Variants in TPST1 observed in about 807,000 individuals in gnomAD.
TPST1 encodes the protein tyrosylprotein sulfotransferase 1.
Under a neutral mutation model 34.8 loss-of-function variants are expected in TPST1, and 20 were observed. That is an observed-to-expected ratio of 0.57 (90% confidence interval 0.40 to 0.84). TPST1 has a LOEUF of 0.84. Among genes scored for constraint, TPST1 ranks in the 40% least tolerant of loss-of-function variants. The pLI, the probability that TPST1 is intolerant of heterozygous loss-of-function variation, is 0.00. For synonymous variants in TPST1, 152 were observed against 159.4 expected, an observed-to-expected ratio of 0.95 and a Z score of 0.35; for missense variants, 353 against 455.5, an observed-to-expected ratio of 0.78 and a Z score of 2.05.
chr7:66,325,394 GC>G lies in TPST1; in HGVS notation c.1045-27109del, dbSNP rs1185679135. On this transcript the variant is annotated intron_variant, in intron 3 of 5. Transcript: ENST00000304842. ...CATTTTTCTTTTCTTTTTTTTTCAT[GC>G]CTGGATTTTTTCGTTGTTCCCTCAT... Among the ~76,000 whole-genome samples, 16 of 151,770 alleles carry G rather than the reference GC, an allele frequency of 1.1e-4. No individual in the cohort carries two copies. In the East Asian group the frequency reaches 3.1e-3, roughly 29 times the overall value.
intron 2 of TPST1, among the ~76,000 whole-genome samples, chr7:66,258,288 A>T: frequency 6.6e-6 from 1 of 152,152 alleles, no homozygotes; most frequent in East Asian, 1.9e-4. Context: ...CCTTGGAAGA[A>T]TGCTGATTTT....
At chr7:66,301,465 G>A (rs1791314336) in intron 3 of TPST1, among the ~76,000 whole-genome samples, 1 of 152,194 alleles carries the variant, frequency 6.6e-6, no homozygotes, top group Non-Finnish European at 1.5e-5. Flanking sequence ...ACTATTTGAT[G>A]GAAGAGGCCT....
chr7:66,347,885 G>T (rs1045893989), intron 3 of TPST1, among the ~76,000 whole-genome samples: 3 of 151,928 alleles, frequency 2.0e-5, no homozygotes, highest in Non-Finnish European at 2.9e-5. Context: ...GAGTCTTTTG[G>T]TTTTTCCAAA....
At chr7:66,243,972 G>A (rs868627930) in intron 2 of TPST1, among the ~76,000 whole-genome samples, 32 of 138,630 alleles carry the variant, frequency 2.3e-4, no homozygotes, top group Admixed American at 8.3e-4. Flanking sequence ...TCTTCGAGAC[G>A]GAGTCTTGCT....
upstream of TPST1, among the ~76,000 whole-genome samples, chr7:66,203,728 G>A (rs757910989): frequency 2.7e-5 from 4 of 150,386 alleles, no homozygotes; most frequent in Non-Finnish European, 4.4e-5. Context: ...CTTGTGATCC[G>A]CCCACCTCGG....
chr7:66,208,266 A>G (rs955619209), intron 1 of TPST1, among the ~76,000 whole-genome samples: 2 of 152,108 alleles, frequency 1.3e-5, no homozygotes, highest in Non-Finnish European at 2.9e-5. Flanking sequence ...ACCATTCACT[A>G]CCGTAAAATC....
chr7:66,322,926 TTTA>T, intron 3 of TPST1, among the ~76,000 whole-genome samples: 1 of 152,200 alleles, frequency 6.6e-6, no homozygotes, highest in Non-Finnish European at 1.5e-5. Context: ...TTTTTATTTT[TTTA>T]TTTTTTATTT....
chr7:66,296,680 T>TTTTTG (rs1791207143), intron 3 of TPST1, among the ~76,000 whole-genome samples: 1 of 146,778 alleles, frequency 6.8e-6, no homozygotes, highest in Admixed American at 6.8e-5. Context: ...GGGTTGGTTT[T>TTTTTG]TTTTTTTTTT....
At chr7:66,221,364 G>T (rs1789539339) in intron 1 of TPST1, among the ~76,000 whole-genome samples, 1 of 152,156 alleles carries the variant, frequency 6.6e-6, no homozygotes, top group Non-Finnish European at 1.5e-5. Context: ...TCATGGAGAG[G>T]TTAAGGGAGA....
chr7:66,312,267 C>T (rs1205380134), intron 3 of TPST1, among the ~76,000 whole-genome samples: 1 of 152,182 alleles, frequency 6.6e-6, no homozygotes, highest in Non-Finnish European at 1.5e-5. Context: ...AGAACATTTG[C>T]AGTGAAGAGG....
At chr7:66,352,599 C>T (rs774434156) in intron 4 of TPST1, 44 bp downstream of exon 4, 3 of 1,592,094 alleles carry the variant, frequency 1.9e-6, no homozygotes, top group East Asian at 4.5e-5. Context: ...TAGATTGGCT[C>T]TTGCATTGAA....
At chr7:66,310,001 T>C (rs1160537669) in intron 3 of TPST1, among the ~76,000 whole-genome samples, 2 of 152,038 alleles carry the variant, frequency 1.3e-5, no homozygotes, top group African/African-American at 4.8e-5. Flanking sequence ...CCAAACAAGT[T>C]ATGGTGGCAA....
chr7:66,264,973 C>A (rs1226509347), intron 2 of TPST1, among the ~76,000 whole-genome samples: 2 of 151,914 alleles, frequency 1.3e-5, no homozygotes, highest in Non-Finnish European at 2.9e-5. Flanking sequence ...TTGAGAATAT[C>A]AACAAAAAGA....
chr7:66,213,405 A>G (rs1028261494), intron 1 of TPST1, among the ~76,000 whole-genome samples: 3 of 151,834 alleles, frequency 2.0e-5, no homozygotes, highest in Admixed American at 6.6e-5. Flanking sequence ...TGTCTATTCT[A>G]CTTCTTTGGT....
intron 3 of TPST1, among the ~76,000 whole-genome samples, chr7:66,347,112 G>T: frequency 8.8e-6 from 1 of 113,394 alleles, no homozygotes. Context: ...CTGTCTCCCA[G>T]GCTGGAGTAC....
intron 3 of TPST1, among the ~76,000 whole-genome samples, chr7:66,296,535 AG>A (rs1321584517): frequency 2.0e-5 from 3 of 152,080 alleles, no homozygotes; most frequent in Non-Finnish European, 4.4e-5. Context: ...GTTGACCGTT[AG>A]CTATGATATG....
intron 5 of TPST1, among the ~76,000 whole-genome samples, chr7:66,358,433 AGAT>A (rs1449050538): frequency 6.6e-6 from 1 of 151,744 alleles, no homozygotes; most frequent in African/African-American, 2.4e-5. Flanking sequence ...CATATATATA[AGAT>A]GATATATATA....
At chr7:66,207,860 A>G (rs572101896) in intron 1 of TPST1, among the ~76,000 whole-genome samples, 1 of 152,238 alleles carries the variant, frequency 6.6e-6, no homozygotes, top group Non-Finnish European at 1.5e-5. Context: ...CTATTTTAAG[A>G]TCTTTACTCT....
chr7:66,236,761 A>G (rs1789920407), intron 1 of TPST1, among the ~76,000 whole-genome samples: 1 of 152,206 alleles, frequency 6.6e-6, no homozygotes, highest in Non-Finnish European at 1.5e-5. Flanking sequence ...CACATACTAT[A>G]TATAAATTAC....
Sources: gnomAD v4.1 joint callset for allele counts (sites outside exome capture counted in the v4.1 genomes callset) on GRCh38, gnomAD v4.1.1 for gene constraint, MANE v1.5 for transcripts, NCBI Gene and HGNC (gene_info 2026-07-23, HGNC 2026-07-21) for gene names.